The following PPP4R4 variants were observed in gnomAD, a reference collection of about 807,000 sequenced individuals.
PPP4R4 encodes serine/threonine-protein phosphatase 4 regulatory subunit 4.
Under a neutral mutation model 121.8 loss-of-function variants are expected in PPP4R4, and 70 were observed. The observed-to-expected ratio is 0.57, with a 90% CI of 0.47 to 0.70. PPP4R4 has a LOEUF of 0.70. Ranked by LOEUF, PPP4R4 falls within the 30% of genes least tolerant of loss-of-function variation. The pLI, the probability that PPP4R4 is intolerant of heterozygous loss-of-function variation, is 0.00. For synonymous variants in PPP4R4, 348 were observed against 355.7 expected, an observed-to-expected ratio of 0.98 and a Z score of 0.24; for missense variants, 875 against 1,033.6, an observed-to-expected ratio of 0.85 and a Z score of 2.10.
intron 23 of PPP4R4, among the ~76,000 whole-genome samples, chr14:94,271,211 A>G (rs542595273): frequency 6.6e-6 from 1 of 152,226 alleles, no homozygotes; most frequent in Non-Finnish European, 1.5e-5. Flanking sequence ...AGTCATTCCA[A>G]GAAAAGAATA....
intron 3 of PPP4R4, among the ~76,000 whole-genome samples, chr14:94,224,365 T>C (rs1891580148): frequency 6.6e-6 from 1 of 152,146 alleles, no homozygotes; most frequent in Non-Finnish European, 1.5e-5. Context: ...GGAAGGGATG[T>C]AGTGGGTGAG....
chr14:94,176,110 G>C lies in PPP4R4; in HGVS notation c.174G>C (p.Arg58Ser). The C allele has an allele frequency of 6.2e-7, 1 of 1,611,514 alleles. No homozygotes were observed. Among genetic ancestry groups the C allele is most frequent in the Non-Finnish European group, 8.5e-7 (1 of 1,177,618 alleles). ...TVDEDLSDIERAVYLLSAGQD... is the reference protein window; with the variant it reads ...TVDEDLSDIESAVYLLSAGQD... ...ATGAAGACCTCAGTGATATTGAAAGGGCTGTTTATCTGCTCAGGTATTTCC... is the reference window on the plus strand; with the variant it reads ...ATGAAGACCTCAGTGATATTGAAAGCGCTGTTTATCTGCTCAGGTATTTCC... Residue 58 changes from arginine to serine, a missense_variant, in exon 2 of 25, where the codon AGG (arginine) becomes AGC (serine). By Grantham distance (110) the Arg-to-Ser change is moderately radical (BLOSUM62 -1). Coordinates refer to ENST00000304338, the MANE Select transcript of PPP4R4 (RefSeq NM_058237.2).
At chr14:94,209,712 A>G (rs1890644572) in intron 3 of PPP4R4, among the ~76,000 whole-genome samples, 1 of 152,108 alleles carries the variant, frequency 6.6e-6, no homozygotes, top group Non-Finnish European at 1.5e-5. Context: ...ACTTGTCAGC[A>G]TGACACCTGG....
intron 3 of PPP4R4, among the ~76,000 whole-genome samples, chr14:94,224,854 C>T (rs1452498075): frequency 6.6e-6 from 1 of 152,044 alleles, no homozygotes; most frequent in Non-Finnish European, 1.5e-5. Flanking sequence ...AAGTGGAGAA[C>T]TGCTATTGGA....
intron 19 of PPP4R4, among the ~76,000 whole-genome samples, chr14:94,260,731 T>G (rs1893741042): frequency 6.6e-6 from 1 of 152,118 alleles, no homozygotes; most frequent in South Asian, 2.1e-4. Flanking sequence ...CTTTCACAGA[T>G]ATACATATTA....
intron 19 of PPP4R4, among the ~76,000 whole-genome samples, chr14:94,263,187 G>A (rs1893870752): frequency 6.6e-6 from 1 of 151,964 alleles, no homozygotes; most frequent in Non-Finnish European, 1.5e-5. Flanking sequence ...TTTGGTCATT[G>A]TTTATTTAAA....
intron 2 of PPP4R4, among the ~76,000 whole-genome samples, chr14:94,198,961 A>G (rs1352642554): frequency 1.3e-5 from 2 of 152,210 alleles, no homozygotes; most frequent in Non-Finnish European, 2.9e-5. Context: ...ACCTGCTAGT[A>G]TTAGCCCTAC....
chr14:94,278,094 G>A (rs1221994139), intron 24 of PPP4R4, among the ~76,000 whole-genome samples: 4 of 152,076 alleles, frequency 2.6e-5, no homozygotes. Flanking sequence ...GTGAAAATAT[G>A]TTCTTTTCAT....
chr14:94,264,648 C>A (rs1213922673), intron 19 of PPP4R4, among the ~76,000 whole-genome samples: 1 of 152,042 alleles, frequency 6.6e-6, no homozygotes, highest in Non-Finnish European at 1.5e-5. Flanking sequence ...ACAATGATAC[C>A]AAACTCATTG....
At chr14:94,175,269 T>A (rs1483632863) in intron 1 of PPP4R4, among the ~76,000 whole-genome samples, 1 of 151,880 alleles carries the variant, frequency 6.6e-6, no homozygotes, top group Admixed American at 6.6e-5. Flanking sequence ...CTGGTCCCTG[T>A]CTACAAGCCC....
rs551799155 is a variant in PPP4R4, at chr14:94,272,333, G to A, written c.2450-3041G>A. Among the ~76,000 whole-genome samples the A allele has an allele frequency of 2.6e-5, 4 of 152,250 alleles. No individual in the cohort carries two copies. The East Asian group carries it at 7.7e-4, about 29-fold the overall frequency. ...TCAAACAGATTGAAGGAACAGAATA[G>A]GAAGCCCAGAAATAGACCCACGTAA... On this transcript the variant is annotated intron_variant, in intron 23 of 24. Coordinates refer to ENST00000304338, the MANE Select transcript of PPP4R4 (RefSeq NM_058237.2).
chr14:94,203,374 T>C (rs1890293563), intron 2 of PPP4R4, among the ~76,000 whole-genome samples: 1 of 152,240 alleles, frequency 6.6e-6, no homozygotes, highest in Non-Finnish European at 1.5e-5. Context: ...TATAAATAGT[T>C]CTTTTTTTTT....
chr14:94,275,172 A>C (rs1482218867), intron 23 of PPP4R4, among the ~76,000 whole-genome samples: 1 of 152,166 alleles, frequency 6.6e-6, no homozygotes, highest in Non-Finnish European at 1.5e-5. Context: ...AGACATGTTC[A>C]CATCTTGATT....
chr14:94,247,169 G>A (rs1566687600), intron 14 of PPP4R4, among the ~76,000 whole-genome samples: 1 of 152,206 alleles, frequency 6.6e-6, no homozygotes, highest in Non-Finnish European at 1.5e-5. Context: ...AATTTCCAAG[G>A]GGATTATTTA....
intron 24 of PPP4R4, among the ~76,000 whole-genome samples, chr14:94,278,339 G>A (rs1380897312): frequency 6.6e-6 from 1 of 152,038 alleles, no homozygotes; most frequent in African/African-American, 2.4e-5. Context: ...AATTAAAAAT[G>A]TAGGAAAAAT....
chr14:94,176,256 G>A, intron 2 of PPP4R4, 129 bp downstream of exon 2: 1 of 722,412 alleles, frequency 1.4e-6, no homozygotes, highest in Non-Finnish European at 2.4e-6. Flanking sequence ...ACTTTTGTGT[G>A]CATAGTACTT....
intron 8 of PPP4R4, among the ~76,000 whole-genome samples, 178 bp from the exon 9 acceptor site, chr14:94,240,495 G>A (rs1892570063): frequency 6.6e-6 from 1 of 152,054 alleles, no homozygotes; most frequent in Non-Finnish European, 1.5e-5. Context: ...ATCATTTCAA[G>A]CCTCCTCTTA....
intron 24 of PPP4R4, among the ~76,000 whole-genome samples, chr14:94,276,370 T>C (rs1480951631): frequency 6.6e-6 from 1 of 152,224 alleles, no homozygotes; most frequent in African/African-American, 2.4e-5. Context: ...TGCATTGCTA[T>C]AAAGAAATAC....
chr14:94,267,273 G>A (rs548666298), intron 23 of PPP4R4, among the ~76,000 whole-genome samples: 1 of 152,148 alleles, frequency 6.6e-6, no homozygotes, highest in South Asian at 2.1e-4. Flanking sequence ...AAAGTGATAG[G>A]GTATGTTTTG....
Sources: allele counts gnomAD v4.1 joint callset (sites outside exome capture counted in the v4.1 genomes callset), GRCh38; gene constraint gnomAD v4.1.1; transcripts MANE v1.5; gene names NCBI Gene and HGNC (gene_info 2026-07-23, HGNC 2026-07-21).